Variants in DDX56 observed in about 807,000 individuals in gnomAD.
DDX56 encodes probable ATP-dependent RNA helicase DDX56.
Under a neutral mutation model 61.5 loss-of-function variants are expected in DDX56, and 45 were observed. The ratio of observed to expected loss-of-function variants is 0.73; its 90% CI spans 0.58 to 0.94. The LOEUF is 0.94. Ranked by LOEUF, DDX56 falls within the 40% of genes least tolerant of loss-of-function variation. The pLI is 0.00. For missense variants in DDX56, 708 were observed against 690.7 expected (o/e 1.02, Z -0.28); for synonymous variants, 273 against 268.3 (o/e 1.02, Z -0.17).
At chr7:44,572,510 C>A (rs1056489623) in intron 4 of DDX56, 64 bp downstream of exon 4, 1 of 1,613,118 alleles carries the variant, frequency 6.2e-7, no homozygotes, top group Non-Finnish European at 8.5e-7. Flanking sequence ...CCAGCCACCC[C>A]GCTCTCGTCC....
intron 9 of DDX56, among the ~76,000 whole-genome samples, chr7:44,569,523 G>T (rs2117122013): frequency 6.6e-6 from 1 of 152,282 alleles, no homozygotes; most frequent in South Asian, 2.1e-4. Context: ...GAGCAGTCCA[G>T]GACCACCCAG....
chr7:44,565,989 A>C lies in DDX56; in HGVS notation c.*13T>G, dbSNP rs1181507335. 1 of 1,601,938 alleles carries C rather than the reference A, an allele frequency of 6.2e-7. No homozygotes were observed. Among genetic ancestry groups the C allele is most frequent in the East Asian group, 2.2e-5 (1 of 44,820 alleles). On this transcript the variant is annotated 3_prime_UTR_variant, in exon 14 of 14. Coordinates refer to ENST00000258772, the MANE Select transcript of DDX56 (RefSeq NM_019082.4). ...CTCCACAATGTGCTCAGCTCCAGAG[A>C]GGCCCAACAACCTCAGGAGGGCTTG...
chr7:44,568,876 TC>T, intron 11 of DDX56, 26 bp downstream of exon 11: 1 of 1,574,576 alleles, frequency 6.4e-7, no homozygotes. Flanking sequence ...CTAAGATCTA[TC>T]CCCTTCTCAC....
At chr7:44,567,193 C>G (rs1202242882) in intron 12 of DDX56, among the ~76,000 whole-genome samples, 1 of 151,910 alleles carries the variant, frequency 6.6e-6, no homozygotes, top group East Asian at 1.9e-4. Context: ...CCACCGCTCT[C>G]TCTGGCATTT....
At chr7:44,571,114 C>T (rs1435159441) in intron 6 of DDX56, among the ~76,000 whole-genome samples, 1 of 152,234 alleles carries the variant, frequency 6.6e-6, no homozygotes, top group Non-Finnish European at 1.5e-5. Context: ...TCTTGGCTCA[C>T]TGCAACCTCC....
At chr7:44,568,042 G>T in intron 12 of DDX56, 76 bp downstream of exon 12, 2 of 1,210,578 alleles carry the variant, frequency 1.7e-6, no homozygotes, top group South Asian at 1.3e-5. Flanking sequence ...ACCAAGCACA[G>T]GGGCTGACCC....
intron 11 of DDX56, 137 bp downstream of exon 11, chr7:44,568,766 G>T: frequency 1.5e-6 from 1 of 670,150 alleles, no homozygotes; most frequent in Non-Finnish European, 2.6e-6. Flanking sequence ...CCATGATTCT[G>T]GGTCCATTTC....
Position 44,573,731 on chromosome 7 carries a change from A to T in DDX56, c.74T>A (p.Leu25Gln). The change falls in exon 2 of 14, where the codon CTG (leucine) becomes CAG (glutamine). Residue 25 changes from leucine to glutamine, a missense_variant. Coordinates refer to ENST00000258772, the MANE Select transcript of DDX56 (RefSeq NM_019082.4). ...DPRLLQAVTD[L>Q]GWSRPTLIQE... ...GATCAGCGTAGGTCGCGACCAGCCC[A>T]GATCGGTGACAGCCTAGGAGACCAG... is the stretch of plus-strand genomic sequence containing the variant. 6.2e-7 allele frequency: 1 copy of T among 1,613,588 alleles called. No individual in the cohort carries two copies. The highest frequency in any genetic ancestry group is 8.5e-7 in the Non-Finnish European group (1 of 1,179,982).
intron 9 of DDX56, 129 bp from the exon 10 acceptor site, chr7:44,569,332 C>T: frequency 1.2e-6 from 1 of 817,146 alleles, no homozygotes; most frequent in Non-Finnish European, 1.9e-6. Flanking sequence ...GGATGCCGAA[C>T]ATGCAGGTTA....
At chr7:44,568,811 A>G in intron 11 of DDX56, 92 bp downstream of exon 11, 1 of 1,073,890 alleles carries the variant, frequency 9.3e-7, no homozygotes, top group Admixed American at 1.8e-5. Flanking sequence ...AAAACTGCCC[A>G]GTTCTCTGCT....
chr7:44,573,771 C>T, intron 1 of DDX56, 27 bp from the exon 2 acceptor site: 2 of 1,613,444 alleles, frequency 1.2e-6, no homozygotes, highest in African/African-American at 1.3e-5. Flanking sequence ...GCGGTTTAAG[C>T]GGCGTGAAGA....
chr7:44,568,084 CCTG>C, intron 12 of DDX56, 31 bp downstream of exon 12: 11 of 1,538,702 alleles, frequency 7.1e-6, no homozygotes, highest in Non-Finnish European at 9.9e-6. Context: ...ACTTCCCCAG[CCTG>C]CTGCCTCCTG....
chr7:44,565,873 A>C lies in DDX56; in HGVS notation c.*129T>G. The C allele has an allele frequency of 1.4e-6, 1 of 732,996 alleles. No homozygotes were observed. Among genetic ancestry groups the C allele is most frequent in the South Asian group, 1.6e-5 (1 of 63,616 alleles). The allele number at this position is 732,996 out of a possible 1,614,324, so 45.4% of individuals were successfully genotyped here. A position where few individuals can be genotyped will look rare whatever the true frequency, so the allele number is the denominator to read the frequency against. On this transcript the variant is annotated 3_prime_UTR_variant, in exon 14 of 14. Transcript: ENST00000258772. ...CAGCTTGGAAGTGCCAAGGAGCTAA[A>C]GGGCCCAGCACTGCCGGCCCCAGAA...
intron 9 of DDX56, 119 bp downstream of exon 9, chr7:44,569,690 G>T: frequency 1.2e-6 from 1 of 864,302 alleles, no homozygotes. Context: ...GAACAAGGAT[G>T]GATGGTGGAA....
At chr7:44,566,999 T>G (rs764944693) in intron 12 of DDX56, among the ~76,000 whole-genome samples, 1 of 152,014 alleles carries the variant, frequency 6.6e-6, no homozygotes, top group Non-Finnish European at 1.5e-5. Flanking sequence ...TCCTGGCCCT[T>G]CTAAACCTCC....
At position 44,568,219 on chromosome 7, in the gene DDX56, T is replaced by C. The variant is rs1403642955; in HGVS notation, c.1388A>G (p.Tyr463Cys). 8 of 1,607,592 alleles carry C rather than the reference T, an allele frequency of 5.0e-6. No individual in the cohort carries two copies. Among genetic ancestry groups the C allele is most frequent in the Non-Finnish European group, 6.8e-6 (8 of 1,175,276 alleles). The change falls in exon 12 of 14, where the codon TAC becomes TGC. Residue 463 changes from tyrosine to cysteine, a missense_variant. By Grantham distance (194) the Tyr-to-Cys change is radical. Transcript: ENST00000258772. Reference sequence around the variant, plus strand: ...GAGGTCCCTAGGGTTGTCTTCAAAGTATGTCTGCCGGGGGAAGAGGGAGAG... The same window carrying C: ...GAGGTCCCTAGGGTTGTCTTCAAAGCATGTCTGCCGGGGGAAGAGGGAGAG... ...ELLHSEKLKT[Y>C]FEDNPRDLQL...
At position 44,569,175 on chromosome 7, in the gene DDX56, G is replaced by A; in HGVS notation, c.1248C>T (p.Tyr416=). ...GENRGPILLP[Y]QFRMEEIEGF... The stretch of plus-strand genomic sequence containing the variant: ...CCTCGATCTCCTCCATCCGGAACTG[G>A]TAGGGGAGCAGAATGGGGCCCCTGT... Residue 416 remains tyrosine, a synonymous_variant, in exon 10 of 14, where the codon TAC becomes TAT. Coordinates refer to ENST00000258772, the MANE Select transcript of DDX56 (RefSeq NM_019082.4). 2 of 1,614,096 alleles carry A rather than the reference G, an allele frequency of 1.2e-6. No individual in the cohort carries two copies. The highest frequency in any genetic ancestry group is 8.5e-7 in the Non-Finnish European group (1 of 1,180,022).
chr7:44,573,544 G>A, intron 2 of DDX56, 39 bp downstream of exon 2: 3 of 1,602,530 alleles, frequency 1.9e-6, no homozygotes, highest in South Asian at 1.1e-5. Context: ...GGCTTTTGGA[G>A]CTTGCCTCCT....
rs139219739 is a variant in DDX56 at position 44,569,743 on chromosome 7, T to C, written c.1219+66A>G. On this transcript the variant is annotated intron_variant, in intron 9 of 13. Transcript: ENST00000258772. ...GTTGTGACCTCTGTCATCATTATCA[T>C]GGAGTTTTAAAGCATTGTGGAAGAA... The C allele has an allele frequency of 1.4e-4, 196 of 1,355,964 alleles. No homozygotes were observed. The African/African-American group carries it at 2.5e-3, about 17-fold the overall frequency. The allele number at this position is 1,355,964 out of a possible 1,614,324, so 84.0% of individuals were successfully genotyped here.
Sources: gnomAD v4.1 joint callset for allele counts (sites outside exome capture counted in the v4.1 genomes callset) on GRCh38, gnomAD v4.1.1 for gene constraint, MANE v1.5 for transcripts, NCBI Gene and HGNC (gene_info 2026-07-23, HGNC 2026-07-21) for gene names.